Variants in METTL15 observed in about 807,000 individuals in gnomAD.
METTL15 encodes 12S rRNA N(4)-cytidine methyltransferase METTL15.
A neutral mutation model predicts 38.3 loss-of-function variants in METTL15; 34 were observed. The observed-to-expected ratio is 0.89, with a 90% CI of 0.68 to 1.18. METTL15 has a LOEUF of 1.18. METTL15 is among the 50% of genes most tolerant of loss of function. The probability of loss-of-function intolerance (pLI) is 0.00; values close to 1 mark genes in which losing one functional copy is unlikely to be tolerated. For missense variants in METTL15, 438 were observed against 498.4 expected (o/e 0.88, Z 1.15); for synonymous variants, 162 against 170.9 (o/e 0.95, Z 0.41).
At chr11:28,117,519 C>A (rs1852028374) in intron 3 of METTL15, among the ~76,000 whole-genome samples, 1 of 151,942 alleles carries the variant, frequency 6.6e-6, no homozygotes, top group African/African-American at 2.4e-5. Context: ...TTTTCTAAAA[C>A]CAAGTGGAAT....
At chr11:28,212,724 C>G (rs564926620) in intron 4 of METTL15, among the ~76,000 whole-genome samples, 1 of 152,280 alleles carries the variant, frequency 6.6e-6, no homozygotes, top group East Asian at 1.9e-4. Context: ...ATGTCTAATA[C>G]AGATGCACGT....
intron 6 of METTL15, among the ~76,000 whole-genome samples, chr11:28,470,159 A>C (rs1485766038): frequency 6.6e-6 from 1 of 152,164 alleles, no homozygotes; most frequent in Non-Finnish European, 1.5e-5. Context: ...ATTGTTAAAA[A>C]GTTTTAGAAT....
At chr11:28,140,192 G>A (rs1305723386) in intron 3 of METTL15, among the ~76,000 whole-genome samples, 2 of 152,188 alleles carry the variant, frequency 1.3e-5, no homozygotes, top group African/African-American at 2.4e-5. Flanking sequence ...TGTTCTGAAT[G>A]GCATTTCTGA....
intron 3 of METTL15, among the ~76,000 whole-genome samples, chr11:28,128,894 A>G (rs940722807): frequency 1.3e-5 from 2 of 152,228 alleles, no homozygotes; most frequent in African/African-American, 4.8e-5. Context: ...CAAATACATT[A>G]AATTCACTAT....
At chr11:28,304,963 T>C (rs1169356120) in intron 6 of METTL15, among the ~76,000 whole-genome samples, 2 of 152,156 alleles carry the variant, frequency 1.3e-5, no homozygotes, top group Admixed American at 6.5e-5. Context: ...AAACCTACAG[T>C]TGAATTTGGA....
chr11:28,501,996 G>T (rs146011208), intron 6 of METTL15, among the ~76,000 whole-genome samples: 3,240 of 151,916 alleles, frequency 0.021, 65 homozygotes, highest in Middle Eastern at 0.044. Context: ...AGCTACTCGG[G>T]AGGCTGAGGC....
intron 5 of METTL15, among the ~76,000 whole-genome samples, chr11:28,421,304 A>G (rs1023413482): frequency 2.6e-5 from 4 of 151,994 alleles, no homozygotes; most frequent in African/African-American, 4.8e-5. Flanking sequence ...ACTAATATCA[A>G]TCCTACTCAA....
chr11:28,350,502 A>G (rs1383461169), intron 3 of METTL15, among the ~76,000 whole-genome samples: 1 of 152,190 alleles, frequency 6.6e-6, no homozygotes, highest in Non-Finnish European at 1.5e-5. Flanking sequence ...AACTAAAACA[A>G]TTGTTCCTCT....
Position 28,211,167 on chromosome 11 carries a change from G to T in METTL15, c.376G>T (p.Ala126Ser), listed in dbSNP as rs1367497510. ...YALDRDPTAYALAEHLSELYP... is the reference protein window; with the variant it reads ...YALDRDPTAYSLAEHLSELYP... ...CTTGGACAGAGACCCAACAGCTTAT[G>T]CATTAGCTGAACATCTTTCAGAGTT... Residue 126 changes from alanine (A) to serine (S), a missense_variant, in exon 4 of 7, where the codon GCA becomes TCA. By Grantham distance (99) the Ala-to-Ser change is moderately conservative. Transcript: ENST00000407364. 5.6e-6 allele frequency: 9 copies of T among 1,610,994 alleles called. No homozygotes were observed. The highest frequency in any genetic ancestry group is 7.6e-6 in the Non-Finnish European group (9 of 1,178,610).
intron 5 of METTL15, among the ~76,000 whole-genome samples, chr11:28,393,394 G>A (rs1425460272): frequency 6.6e-6 from 1 of 152,126 alleles, no homozygotes; most frequent in Non-Finnish European, 1.5e-5. Flanking sequence ...GTGGTTTAAA[G>A]AAATGATAAT....
chr11:28,336,028 C>A (rs1018221300), downstream of METTL15, among the ~76,000 whole-genome samples: 3 of 150,644 alleles, frequency 2.0e-5, no homozygotes, highest in Admixed American at 6.7e-5. Flanking sequence ...ATCTAACTTA[C>A]ATTTCTGGAC....
intron 6 of METTL15, among the ~76,000 whole-genome samples, chr11:28,433,225 A>G (rs1292501098): frequency 1.3e-5 from 2 of 148,210 alleles, no homozygotes; most frequent in Non-Finnish European, 3.0e-5. Context: ...ATTTGTTGTC[A>G]ATTTATCCTT....
At chr11:28,292,167 C>G (rs1334765460) in intron 5 of METTL15, among the ~76,000 whole-genome samples, 3 of 151,006 alleles carry the variant, frequency 2.0e-5, no homozygotes, top group Admixed American at 2.0e-4. Context: ...AGTAACTCGT[C>G]ATTTAACATT....
chr11:28,323,881 A>T (rs1268072895), intron 6 of METTL15, among the ~76,000 whole-genome samples: 2 of 152,224 alleles, frequency 1.3e-5, no homozygotes, highest in African/African-American at 4.8e-5. Flanking sequence ...ATAAGGCAGA[A>T]CTTGTTAACA....
chr11:28,511,487 T>C (rs560271886), intron 6 of METTL15, among the ~76,000 whole-genome samples: 1 of 152,024 alleles, frequency 6.6e-6, no homozygotes, highest in Non-Finnish European at 1.5e-5. Flanking sequence ...TCGCTGTGAG[T>C]GTTACAGTTC....
intron 5 of METTL15, among the ~76,000 whole-genome samples, chr11:28,372,306 T>G (rs2133376264): frequency 6.6e-6 from 1 of 152,228 alleles, no homozygotes; most frequent in East Asian, 1.9e-4. Context: ...GAACCCTCGT[T>G]GCATCCCTGG....
At chr11:28,275,024 A>T (rs918972918) in intron 4 of METTL15, among the ~76,000 whole-genome samples, 4 of 151,720 alleles carry the variant, frequency 2.6e-5, no homozygotes, top group Non-Finnish European at 4.4e-5. Flanking sequence ...AATTAGAAAG[A>T]TTACAAACTG....
intron 5 of METTL15, among the ~76,000 whole-genome samples, chr11:28,373,579 C>G (rs1372340013): frequency 4.6e-5 from 7 of 152,102 alleles, no homozygotes; most frequent in Non-Finnish European, 8.8e-5. Context: ...CCTGTTCACT[C>G]TGATGGTAGT....
At chr11:28,429,503 G>C (rs1462098811) in intron 6 of METTL15, among the ~76,000 whole-genome samples, 11 of 129,412 alleles carry the variant, frequency 8.5e-5, no homozygotes, top group Non-Finnish European at 1.6e-4. Flanking sequence ...GAGTGCCTGC[G>C]ATTGCAGGCA....
Sources: allele counts gnomAD v4.1 joint callset (sites outside exome capture counted in the v4.1 genomes callset), GRCh38; gene constraint gnomAD v4.1.1; transcripts MANE v1.5; gene names NCBI Gene and HGNC (gene_info 2026-07-23, HGNC 2026-07-21).